Variants in LPIN2 observed in about 807,000 individuals in gnomAD.
LPIN2 encodes lipin 2.
Under a neutral mutation model 111.4 loss-of-function variants are expected in LPIN2, and 55 were observed. The ratio of observed to expected loss-of-function variants is 0.49; its 90% CI spans 0.40 to 0.62. The LOEUF (loss-of-function observed/expected upper bound fraction) is 0.62. LPIN2 is among the 20% of genes least tolerant of loss of function. The probability of loss-of-function intolerance (pLI) is 0.00; values close to 1 mark genes in which losing one functional copy is unlikely to be tolerated. For synonymous variants in LPIN2, 425 were observed against 414.0 expected (o/e 1.03, Z -0.32); for missense variants, 992 against 1,112.1 (o/e 0.89, Z 1.54).
At chr18:2,940,510 G>A (rs2077353976) in intron 5 of LPIN2, 95 bp downstream of exon 5, 2 of 739,754 alleles carry the variant, frequency 2.7e-6, no homozygotes, top group South Asian at 3.1e-5. Flanking sequence ...CTGTGTGAGA[G>A]AAATGGGAAA....
intron 6 of LPIN2, among the ~76,000 whole-genome samples, chr18:2,938,782 T>C (rs941876495): frequency 3.3e-5 from 5 of 152,254 alleles, no homozygotes; most frequent in African/African-American, 4.8e-5. Context: ...ACATTTTCTC[T>C]CTCAAGAAAT....
At chr18:2,943,157 C>T (rs2077389277) in intron 4 of LPIN2, among the ~76,000 whole-genome samples, 1 of 152,006 alleles carries the variant, frequency 6.6e-6, no homozygotes, top group Admixed American at 6.5e-5. Context: ...TGCACACTTA[C>T]GGTCTGTGAA....
chr18:2,927,948 C>T, intron 11 of LPIN2, 137 bp from the exon 12 acceptor site: 1 of 772,232 alleles, frequency 1.3e-6, no homozygotes, highest in Non-Finnish European at 2.3e-6. Context: ...CTCCCAGATT[C>T]CTCTAGCGTT....
rs1185168282 is a variant in LPIN2 at position 2,920,336 on chromosome 18, C to CAAA, written c.2647_2648insTTT (p.Tyr882_Trp883insPhe). On this transcript the variant is annotated inframe_insertion, in exon 20 of 20. Coordinates refer to ENST00000677752, the MANE Select transcript of LPIN2 (RefSeq NM_001375808.2). ...GTCCACTTCAGGGATCGGGTCTCGC[C>CAAA]AGTAGCAGAAGGAGCTGAACTCCGG... 2.5e-6 allele frequency: 4 copies of CAAA among 1,614,034 alleles called. No individual in the cohort carries two copies. The highest frequency in any genetic ancestry group is 3.4e-6 in the Non-Finnish European group (4 of 1,180,046).
chr18:2,927,924 T>C (rs1168164386), intron 11 of LPIN2, 113 bp from the exon 12 acceptor site: 2 of 874,772 alleles, frequency 2.3e-6, no homozygotes, highest in African/African-American at 1.6e-5. Flanking sequence ...ACGTGACCGA[T>C]GCTCTCTTCA....
intron 1 of LPIN2, chr18:2,985,125 T>A (rs887740013): frequency 1.1e-4 from 16 of 152,240 alleles, no homozygotes; most frequent in African/African-American, 3.6e-4. Flanking sequence ...TATGGACCCA[T>A]CAGAAGTGAG....
At chr18:2,946,570 A>G in intron 4 of LPIN2, 1 of 1,153,268 alleles carries the variant, frequency 8.7e-7, no homozygotes, top group Non-Finnish European at 1.3e-6. Flanking sequence ...AGGCCCAAAC[A>G]CCGGGAACAG....
intron 6 of LPIN2, among the ~76,000 whole-genome samples, chr18:2,939,068 G>A (rs985552742): frequency 7.2e-5 from 11 of 152,262 alleles, no homozygotes; most frequent in African/African-American, 2.6e-4. Flanking sequence ...GTCTGGTGTG[G>A]GAGAATTACC....
chr18:2,966,986 A>G (rs2077814991), intron 1 of LPIN2: 1 of 152,200 alleles, frequency 6.6e-6, no homozygotes, highest in Admixed American at 6.5e-5. Context: ...GTAGGTAAAC[A>G]TTCCAGCTTG....
At chr18:2,943,487 T>C (rs146442889) in intron 4 of LPIN2, among the ~76,000 whole-genome samples, 122 of 152,130 alleles carry the variant, frequency 8.0e-4, no homozygotes, top group African/African-American at 2.7e-3. Context: ...TCAATGTAAC[T>C]AATCTGAGGT....
chr18:3,012,487 C>G (rs1241854585), intron 1 of LPIN2, among the ~76,000 whole-genome samples: 1 of 87,150 alleles, frequency 1.1e-5, no homozygotes, highest in East Asian at 1.9e-3. Flanking sequence ...AAGATCTGCA[C>G]CGGGGGCTGG....
intron 4 of LPIN2, 144 bp from the exon 5 acceptor site, chr18:2,940,856 AG>A (rs1054927758): frequency 3.0e-6 from 2 of 670,576 alleles, no homozygotes; most frequent in African/African-American, 3.5e-5. Context: ...ATGAAGGAGA[AG>A]GGGGGATACA....
chr18:3,009,330 C>A (rs1414367316), intron 1 of LPIN2, among the ~76,000 whole-genome samples: 2 of 151,218 alleles, frequency 1.3e-5, no homozygotes, highest in South Asian at 4.2e-4. Context: ...ACCTGGGAGG[C>A]GGAGGTTGCA....
Position 2,958,157 on chromosome 18 carries a change from A to C in LPIN2, c.192+2492T>G, listed in dbSNP as rs1189941578. 1.4e-3 allele frequency among the ~76,000 whole-genome samples: 55 copies of C among 39,058 alleles called. 7 individuals are homozygous for C. Among genetic ancestry groups the C allele is most frequent in the African/African-American group, 6.1e-3 (52 of 8,556 alleles). The allele number at this position is 39,058 out of a possible 152,430, so 25.6% of individuals were successfully genotyped here. A position where few individuals can be genotyped will look rare whatever the true frequency, so the allele number is the denominator to read the frequency against. ...ACTCCATCTCAAAAAAAAAAAAAAA[A>C]CAACAAAAAAAAAAAACAGAAAAAA... On this transcript the variant is annotated intron_variant, in intron 2 of 19. Coordinates refer to ENST00000677752, the MANE Select transcript of LPIN2 (RefSeq NM_001375808.2).
chr18:2,978,440 C>A (rs1269380238), intron 1 of LPIN2, among the ~76,000 whole-genome samples: 3 of 152,086 alleles, frequency 2.0e-5, no homozygotes, highest in Non-Finnish European at 4.4e-5. Context: ...AACACACAAC[C>A]TCAATCTAAT....
At chr18:2,939,642 G>C (rs748053971) in intron 5 of LPIN2, 39 bp from the exon 6 acceptor site, 1 of 1,607,516 alleles carries the variant, frequency 6.2e-7, no homozygotes, top group Admixed American at 1.7e-5. Flanking sequence ...CTTGAAAGTC[G>C]GGAAACCTTC....
chr18:2,938,300 G>T (rs1406274067), intron 6 of LPIN2, among the ~76,000 whole-genome samples: 1 of 152,232 alleles, frequency 6.6e-6, no homozygotes, highest in East Asian at 1.9e-4. Context: ...AAGGTGGGCA[G>T]ATCACTTGAG....
rs2076999580 is a variant in LPIN2, at chr18:2,918,332, T to C, written c.*1961A>G. Reference sequence around the variant, plus strand: ...ACCTAAAAAGGATTAAAGATGTATATTAAGATTTTTCAGTACCATACATAT... The same window carrying C: ...ACCTAAAAAGGATTAAAGATGTATACTAAGATTTTTCAGTACCATACATAT... On this transcript the variant is annotated 3_prime_UTR_variant, in exon 20 of 20. Coordinates refer to ENST00000677752, the MANE Select transcript of LPIN2 (RefSeq NM_001375808.2). 6.6e-6 allele frequency: 1 copy of C among 152,154 alleles called. No individual in the cohort carries two copies. Among genetic ancestry groups the C allele is most frequent in the African/African-American group, 2.4e-5 (1 of 41,434 alleles). The allele number at this position is 152,154 out of a possible 1,614,324, so 9.4% of individuals were successfully genotyped here. A position where few individuals can be genotyped will look rare whatever the true frequency, so the allele number is the denominator to read the frequency against.
intron 4 of LPIN2, chr18:2,945,598 T>C (rs760935620): frequency 3.9e-6 from 6 of 1,530,150 alleles, no homozygotes; most frequent in Non-Finnish European, 5.4e-6. Context: ...TGCAGGCAGT[T>C]CAAGGCTTGC....
Sources: allele counts gnomAD v4.1 joint callset (sites outside exome capture counted in the v4.1 genomes callset), GRCh38; gene constraint gnomAD v4.1.1; transcripts MANE v1.5; gene names NCBI Gene and HGNC (gene_info 2026-07-23, HGNC 2026-07-21).